Variants in BRWD3 observed in about 807,000 individuals in gnomAD.
The protein encoded by BRWD3 is bromodomain and WD repeat-containing protein 3.
A neutral mutation model predicts 149.7 loss-of-function variants in BRWD3; 10 were observed. The ratio of observed to expected loss-of-function variants is 0.07; its 90% confidence interval spans 0.04 to 0.11. The LOEUF is 0.11. Ranked by LOEUF, BRWD3 falls within the 10% of genes least tolerant of loss-of-function variation. The pLI is 1.00. For synonymous variants in BRWD3, 504 were observed against 456.7 expected, an observed-to-expected ratio of 1.10 and a Z score of -1.32; for missense variants, 940 against 1,373.2, an observed-to-expected ratio of 0.68 and a Z score of 4.99.
chrX:80,725,129 A>G (rs2073198916), intron 14 of BRWD3, 62 bp from the exon 15 acceptor site: 1 of 1,119,754 alleles, frequency 8.9e-7, no homozygotes. Context: ...ATTTGGTAAA[A>G]AGGTCTTCAG....
chrX:80,780,121 T>C (rs2074041584), intron 6 of BRWD3, among the ~76,000 whole-genome samples: 1 of 111,198 alleles, frequency 9.0e-6, no homozygotes, highest in Non-Finnish European at 1.9e-5. Context: ...TACACAGAAG[T>C]TTCAGACTGC....
At chrX:80,727,600 T>C (rs1272648190) in intron 14 of BRWD3, among the ~76,000 whole-genome samples, 2 of 111,110 alleles carry the variant, frequency 1.8e-5, no homozygotes, top group East Asian at 5.6e-4. Context: ...CAAGAAAACA[T>C]AACAATAAAA....
At chrX:80,752,641 T>A (rs1194264052) in intron 6 of BRWD3, among the ~76,000 whole-genome samples, 1 of 112,069 alleles carries the variant, frequency 8.9e-6, no homozygotes, top group African/African-American at 3.2e-5. Flanking sequence ...TTTAAATTTC[T>A]GTGATAATTA....
chrX:80,765,576 G>T (rs1355940217), intron 6 of BRWD3, among the ~76,000 whole-genome samples: 1 of 111,515 alleles, frequency 9.0e-6, no homozygotes, highest in Non-Finnish European at 1.9e-5. Flanking sequence ...ACTGAGTACT[G>T]TAAGTGTTAT....
intron 6 of BRWD3, among the ~76,000 whole-genome samples, chrX:80,781,761 T>G (rs937086402): frequency 9.0e-6 from 1 of 111,198 alleles, no homozygotes; most frequent in Non-Finnish European, 1.9e-5. Context: ...CCATTTAGTA[T>G]AGCTATAAAT....
intron 4 of BRWD3, among the ~76,000 whole-genome samples, chrX:80,796,941 A>G (rs1352248414): frequency 1.8e-5 from 2 of 111,471 alleles, no homozygotes; most frequent in Non-Finnish European, 1.9e-5. Context: ...TGGGAGGCCG[A>G]GGAGGGAGGG....
In BRWD3 at chrX:80,808,940, C is replaced by T; in HGVS notation, c.120+73G>A. 3.7e-6 allele frequency: 4 copies of T among 1,095,740 alleles called. No individual in the cohort carries two copies. The South Asian group carries it at 5.9e-5, about 16-fold the overall frequency. 90.3% of individuals were successfully genotyped at this position (1,095,740 alleles called of 1,213,427 possible). A position where few individuals can be genotyped will look rare whatever the true frequency, so the allele number is the denominator to read the frequency against. Reference sequence around the variant, plus strand: ...GAAGCCTCTATCCCAGCCCGTCTTCCGCCCCTGACTTGCCCTCCCCTTCCT... The same window carrying T: ...GAAGCCTCTATCCCAGCCCGTCTTCTGCCCCTGACTTGCCCTCCCCTTCCT... On this transcript the variant is annotated intron_variant, in intron 3 of 40. Coordinates refer to ENST00000373275, the MANE Select transcript of BRWD3 (RefSeq NM_153252.5).
intron 20 of BRWD3, among the ~76,000 whole-genome samples, chrX:80,711,475 A>T (rs2072967035): frequency 8.9e-6 from 1 of 112,431 alleles, no homozygotes; most frequent in African/African-American, 3.2e-5. Context: ...CATATCTTGA[A>T]ATAGCCCTGT....
chrX:80,809,313 G>A lies in BRWD3; in HGVS notation c.32-9C>T, dbSNP rs753050311. On this transcript the variant is annotated splice_polypyrimidine_tract_variant and intron_variant, in intron 1 of 40. Coordinates refer to ENST00000373275, the MANE Select transcript of BRWD3 (RefSeq NM_153252.5). Reference sequence around the variant, plus strand: ...GATCAGGTAATACAGCTCTGGGGAAGAGGGGGGAAAAGAGGTTCAGAGGGA... The same window carrying A: ...GATCAGGTAATACAGCTCTGGGGAAAAGGGGGGAAAAGAGGTTCAGAGGGA... 3 of 1,187,922 alleles carry A rather than the reference G, an allele frequency of 2.5e-6. No homozygotes were observed. In the African/African-American group the frequency reaches 5.3e-5, roughly 21 times the overall value.
intron 12 of BRWD3, among the ~76,000 whole-genome samples, chrX:80,731,929 G>C (rs971974539): frequency 1.0e-5 from 1 of 95,936 alleles, no homozygotes; most frequent in Non-Finnish European, 2.1e-5. Flanking sequence ...AGTCCTTATA[G>C]ACATACAAGT....
At chrX:80,750,855 T>TAC (rs1491097021) in intron 6 of BRWD3, among the ~76,000 whole-genome samples, 3 of 39,820 alleles carry the variant, frequency 7.5e-5, no homozygotes, top group African/African-American at 3.2e-4. Flanking sequence ...CAATGTGTTT[T>TAC]ATACACACAC....
rs949762673 is a variant in BRWD3, at chrX:80,802,397, G to A, written c.180+6142C>T. Among the ~76,000 whole-genome samples, 6 of 91,626 alleles carry A rather than the reference G, an allele frequency of 6.5e-5. No individual in the cohort carries two copies. The South Asian group carries it at 1.7e-3, about 26-fold the overall frequency. 79.6% of individuals were successfully genotyped at this position (91,626 alleles called of 115,157 possible). Reference sequence around the variant, plus strand: ...GCGGAGGTTGCAGTGAGCCAAGATCGCACCACTGCACTCCAGCCTGGGCGA... The same window carrying A: ...GCGGAGGTTGCAGTGAGCCAAGATCACACCACTGCACTCCAGCCTGGGCGA... On this transcript the variant is annotated intron_variant, in intron 4 of 40. Coordinates refer to ENST00000373275, the MANE Select transcript of BRWD3 (RefSeq NM_153252.5).
At chrX:80,736,193 A>G (rs2073401930) in intron 8 of BRWD3, 105 bp from the exon 9 acceptor site, 1 of 531,187 alleles carries the variant, frequency 1.9e-6, no homozygotes, top group Non-Finnish European at 3.0e-6. Flanking sequence ...TATAATTTCA[A>G]TAAATTCAGC....
chrX:80,787,572 C>CAA (rs751098940), intron 6 of BRWD3, among the ~76,000 whole-genome samples: 7 of 48,536 alleles, frequency 1.4e-4, no homozygotes, highest in African/African-American at 3.6e-4. Context: ...CACCCATATG[C>CAA]AAAAAAAAAA....
chrX:80,717,875 T>C (rs916763104), intron 18 of BRWD3, 116 bp from the exon 19 acceptor site: 1 of 636,122 alleles, frequency 1.6e-6, no homozygotes, highest in Non-Finnish European at 2.5e-6. Flanking sequence ...AGAATTGCTA[T>C]CCCTTTGTTC....
intron 8 of BRWD3, among the ~76,000 whole-genome samples, chrX:80,743,029 G>A (rs1298913043): frequency 9.0e-6 from 1 of 111,358 alleles, no homozygotes; most frequent in Admixed American, 9.6e-5. Context: ...ATTGGCTGTG[G>A]GTTTGTCACA....
intron 6 of BRWD3, among the ~76,000 whole-genome samples, chrX:80,787,157 A>G (rs1225038233): frequency 8.9e-6 from 1 of 112,057 alleles, no homozygotes; most frequent in East Asian, 2.8e-4. Context: ...AAATTTCCAC[A>G]ATAGATGTGT....
At chrX:80,771,129 T>C (rs1291770242) in intron 6 of BRWD3, among the ~76,000 whole-genome samples, 2 of 111,793 alleles carry the variant, frequency 1.8e-5, no homozygotes, top group African/African-American at 3.3e-5. Flanking sequence ...GAACATTCCA[T>C]GCTCATGAAT....
intron 15 of BRWD3, among the ~76,000 whole-genome samples, 191 bp from the exon 16 acceptor site, chrX:80,724,067 A>G (rs2073187297): frequency 8.9e-6 from 1 of 112,203 alleles, no homozygotes; most frequent in African/African-American, 3.2e-5. Flanking sequence ...GCAAATTGCA[A>G]TGGATGAAAT....
Sources: gnomAD v4.1 joint callset for allele counts (sites outside exome capture counted in the v4.1 genomes callset) on GRCh38, gnomAD v4.1.1 for gene constraint, MANE v1.5 for transcripts, NCBI Gene and HGNC (gene_info 2026-07-23, HGNC 2026-07-21) for gene names.